The following MME variants were observed in gnomAD, a reference collection of about 807,000 sequenced individuals.
MME encodes membrane metalloendopeptidase.
MME carries 98 observed loss-of-function variants against 113.2 expected under a neutral mutation model. The ratio of observed to expected loss-of-function variants is 0.87; its 90% CI spans 0.74 to 1.02. The LOEUF is 1.02. Ranked by LOEUF, MME falls within the 50% of genes least tolerant of loss-of-function variation. The probability of loss-of-function intolerance (pLI) is 0.00; values close to 1 mark genes in which losing one functional copy is unlikely to be tolerated. For synonymous variants in MME, 292 were observed against 300.6 expected (o/e 0.97, Z 0.30); for missense variants, 836 against 896.0 (o/e 0.93, Z 0.86).
chr3:155,133,687 T>TAGTGTGTGTATATATC (rs1415357754), intron 8 of MME, among the ~76,000 whole-genome samples: 1 of 141,286 alleles, frequency 7.1e-6, no homozygotes, highest in African/African-American at 2.6e-5. Flanking sequence ...TATATATATA[T>TAGTGTGTGTATATATC]ACCATACATA....
At chr3:155,090,057 A>G in intron 3 of MME, 1 of 264,658 alleles carries the variant, frequency 3.8e-6, no homozygotes, top group Non-Finnish European at 7.9e-6. Flanking sequence ...AAGCCAAGCT[A>G]AGACGTGATC....
chr3:155,099,407 T>G (rs1717014809), intron 3 of MME, among the ~76,000 whole-genome samples: 1 of 152,216 alleles, frequency 6.6e-6, no homozygotes, highest in Admixed American at 6.5e-5. Context: ...AATCTTACAT[T>G]TCTTCAATCC....
intron 13 of MME, 147 bp from the exon 14 acceptor site, chr3:155,144,212 T>A: frequency 1.5e-6 from 1 of 670,976 alleles, no homozygotes. Context: ...GTCCCATATA[T>A]CTGTTAGCTT....
chr3:155,172,410 G>T, intron 21 of MME, 126 bp from the exon 22 acceptor site: 2 of 862,794 alleles, frequency 2.3e-6, no homozygotes, highest in Non-Finnish European at 4.0e-6. Context: ...AACATTATTT[G>T]AAGAGCGAAT....
chr3:155,030,883 G>T (rs1373785056), intron 1 of MME, among the ~76,000 whole-genome samples: 1 of 151,974 alleles, frequency 6.6e-6, no homozygotes, highest in Non-Finnish European at 1.5e-5. Flanking sequence ...ATCTGTCCAT[G>T]GAAGAGGAAA....
intron 3 of MME, among the ~76,000 whole-genome samples, chr3:155,100,982 T>C (rs1180133733): frequency 1.3e-5 from 2 of 152,118 alleles, no homozygotes; most frequent in Admixed American, 6.6e-5. Flanking sequence ...TGGTGGGAGG[T>C]ATTTGGATCA....
intron 1 of MME, among the ~76,000 whole-genome samples, chr3:155,057,728 AG>A (rs1451232971): frequency 6.8e-6 from 1 of 146,054 alleles, no homozygotes; most frequent in Non-Finnish European, 1.5e-5. Context: ...TGACTTTGAG[AG>A]GGCAGGGAAG....
intron 12 of MME, among the ~76,000 whole-genome samples, chr3:155,142,577 T>C (rs1255681327): frequency 6.6e-6 from 1 of 152,190 alleles, no homozygotes; most frequent in Non-Finnish European, 1.5e-5. Context: ...TTTGGTTATT[T>C]AACCAGTTCA....
intron 16 of MME, among the ~76,000 whole-genome samples, chr3:155,156,975 C>T (rs1442737525): frequency 6.6e-6 from 1 of 152,008 alleles, no homozygotes; most frequent in Non-Finnish European, 1.5e-5. Flanking sequence ...TGCTTTTCTT[C>T]CCAGCTATAA....
At chr3:155,125,636 T>A (rs1012171401) in intron 8 of MME, among the ~76,000 whole-genome samples, 1 of 151,662 alleles carries the variant, frequency 6.6e-6, no homozygotes, top group East Asian at 2.0e-4. Context: ...AATTTTTGTA[T>A]TTTTAGTAGA....
Position 155,103,132 on chromosome 3 carries a change from A to T in MME, c.197-11862A>T, listed in dbSNP as rs1312167529. On this transcript the variant is annotated intron_variant, in intron 3 of 22. Transcript: ENST00000360490. Reference sequence around the variant, plus strand: ...TATAACTCATATCCCACTTGTTATTAGTTGTTCAATGTCTGGTTTTTGTCC... The same window carrying T: ...TATAACTCATATCCCACTTGTTATTTGTTGTTCAATGTCTGGTTTTTGTCC... 4.6e-5 allele frequency among the ~76,000 whole-genome samples: 7 copies of T among 152,300 alleles called. No homozygotes were observed. In the East Asian group the frequency reaches 1.3e-3, roughly 29 times the overall value.
intron 1 of MME, 84 bp from the exon 2 acceptor site, chr3:155,084,074 A>T: frequency 4.1e-6 from 5 of 1,216,468 alleles, no homozygotes; most frequent in Non-Finnish European, 6.0e-6. Flanking sequence ...TGAGCCTTTT[A>T]CTTTTATCCA....
chr3:155,025,622 T>TAAA (rs1712753330), intron 1 of MME, among the ~76,000 whole-genome samples: 1 of 122,136 alleles, frequency 8.2e-6, no homozygotes, highest in African/African-American at 3.4e-5. Context: ...AGACCCTGTC[T>TAAA]CAAAAAAAAA....
At chr3:155,071,601 G>T (rs1576682774) in intron 1 of MME, among the ~76,000 whole-genome samples, 1 of 152,192 alleles carries the variant, frequency 6.6e-6, no homozygotes, top group Admixed American at 6.5e-5. Context: ...GTCAGGAGTG[G>T]CAAATATCTC....
intron 8 of MME, among the ~76,000 whole-genome samples, chr3:155,119,599 G>A (rs1417485395): frequency 7.6e-6 from 1 of 132,150 alleles, no homozygotes; most frequent in African/African-American, 2.9e-5. Context: ...CCCAGAGTGT[G>A]ATATTCCCCT....
intron 1 of MME, among the ~76,000 whole-genome samples, chr3:155,030,862 C>T (rs549039563): frequency 1.1e-4 from 16 of 152,096 alleles, no homozygotes; most frequent in African/African-American, 2.7e-4. Context: ...ATGGAGAGAC[C>T]GGATGTGAAA....
chr3:155,068,344 G>A (rs779296817), intron 1 of MME, among the ~76,000 whole-genome samples: 36 of 152,048 alleles, frequency 2.4e-4, no homozygotes, highest in African/African-American at 7.2e-4. Context: ...AGAAGGTGAC[G>A]GATAACTTTA....
At chr3:155,094,186 A>G (rs1272693734) in intron 3 of MME, among the ~76,000 whole-genome samples, 1 of 152,236 alleles carries the variant, frequency 6.6e-6, no homozygotes, top group African/African-American at 2.4e-5. Context: ...AATTTTTGGA[A>G]GCTTACTGCT....
chr3:155,070,625 A>G, intron 1 of MME, among the ~76,000 whole-genome samples: 1 of 152,230 alleles, frequency 6.6e-6, no homozygotes. Context: ...ATAAAAGTCT[A>G]AAATTTAGAT....
Sources: allele counts gnomAD v4.1 joint callset (sites outside exome capture counted in the v4.1 genomes callset), GRCh38; gene constraint gnomAD v4.1.1; transcripts MANE v1.5; gene names NCBI Gene and HGNC (gene_info 2026-07-23, HGNC 2026-07-21).